The following PRH1 variants were observed in gnomAD, a reference collection of about 807,000 sequenced individuals.
PRH1 encodes the protein proline rich protein HaeIII subfamily 1, also known as salivary acidic proline-rich phosphoprotein 1/2.
In PRH1, 7 loss-of-function variants were observed where a neutral mutation model predicts 7.9. That is an observed-to-expected ratio of 0.89 (90% CI 0.50 to 1.67). The LOEUF (loss-of-function observed/expected upper bound fraction) is 1.67, where lower values mean the gene tolerates loss of function less well. Ranked by LOEUF, PRH1 falls within the 40% of genes most tolerant of loss-of-function variation. The pLI, the probability that PRH1 is intolerant of heterozygous loss-of-function variation, is 0.00. For synonymous variants in PRH1, 45 were observed against 80.8 expected, an observed-to-expected ratio of 0.56 and a Z score of 2.38; for missense variants, 109 against 223.6, an observed-to-expected ratio of 0.49 and a Z score of 3.27.
At chr12:11,037,311 A>T (rs1942472426) in intron 1 of PRH1, among the ~76,000 whole-genome samples, 1 of 152,228 alleles carries the variant, frequency 6.6e-6, no homozygotes, top group African/African-American at 2.4e-5. Flanking sequence ...TAGCAGTCAA[A>T]GTTGAATTAT....
intron 2 of PRH1, among the ~76,000 whole-genome samples, chr12:10,912,509 G>A (rs1311892703): frequency 6.6e-6 from 1 of 151,332 alleles, no homozygotes; most frequent in Non-Finnish European, 1.5e-5. Context: ...TGCCTATTTT[G>A]TTAGTCTATT....
intron 2 of PRH1, among the ~76,000 whole-genome samples, chr12:10,955,727 C>A (rs79877303): frequency 6.6e-6 from 1 of 151,962 alleles, no homozygotes; most frequent in South Asian, 2.1e-4. Flanking sequence ...TAAACCCAAT[C>A]AAAAATGACC....
rs932086393 is a variant in PRH1 at position 11,066,620 on chromosome 12, C to A, written n.124-19432G>T. Among the ~76,000 whole-genome samples the A allele has an allele frequency of 2.2e-4, 5 of 22,936 alleles. No homozygotes were observed. The Admixed American group carries it at 3.3e-3, about 15-fold the overall frequency. 15.0% of individuals were successfully genotyped at this position (22,936 alleles called of 152,430 possible). ...GTATTTAAATATTTCAAAAATATATCATTTAATGAGATAGATGTATATATA... is the reference window on the plus strand; with the variant it reads ...GTATTTAAATATTTCAAAAATATATAATTTAATGAGATAGATGTATATATA... On this transcript the variant is annotated intron_variant and non_coding_transcript_variant, in intron 1 of 4. Coordinates refer to the PRH1 transcript ENST00000541977.
intron 1 of PRH1, among the ~76,000 whole-genome samples, chr12:10,980,019 G>A (rs1179535566): frequency 6.6e-6 from 1 of 152,088 alleles, no homozygotes; most frequent in East Asian, 1.9e-4. Context: ...ATTAGAGAAA[G>A]GATTCTGGAG....
intron 1 of PRH1, among the ~76,000 whole-genome samples, chr12:11,069,111 T>C (rs71443615): frequency 0.48 from 56,649 of 118,244 alleles, 12,215 homozygotes; most frequent in Non-Finnish European, 0.56. Flanking sequence ...AGAGACTGGG[T>C]TTCACCATGT....
At chr12:11,133,723 A>G in intron 1 of PRH1, 1 of 1,614,172 alleles carries the variant, frequency 6.2e-7, no homozygotes, top group African/African-American at 1.3e-5. Flanking sequence ...TCATATTTGA[A>G]TGGTACATTG....
chr12:10,892,222 T>C (rs571560728), intron 2 of PRH1, among the ~76,000 whole-genome samples: 43 of 152,332 alleles, frequency 2.8e-4, no homozygotes, highest in African/African-American at 1.0e-3. Flanking sequence ...AGCTAGACCA[T>C]GCAGAAGTGC....
chr12:11,126,587 G>A (rs1946138305), intron 1 of PRH1, among the ~76,000 whole-genome samples: 1 of 152,108 alleles, frequency 6.6e-6, no homozygotes, highest in Admixed American at 6.5e-5. Flanking sequence ...GCATGTGTGT[G>A]TATATGTATT....
intron 1 of PRH1, among the ~76,000 whole-genome samples, chr12:10,980,991 T>A (rs553446080): frequency 2.9e-4 from 44 of 152,262 alleles, no homozygotes; most frequent in African/African-American, 9.6e-4. Context: ...CTTTGCTAAA[T>A]AATTATAAAC....
chr12:11,003,996 A>G (rs1940711634), intron 1 of PRH1, among the ~76,000 whole-genome samples: 1 of 152,104 alleles, frequency 6.6e-6, no homozygotes, highest in Admixed American at 6.6e-5. Context: ...AAACTCAGCG[A>G]TATATACTTG....
intron 1 of PRH1, among the ~76,000 whole-genome samples, chr12:11,072,464 T>C (rs1944117186): frequency 6.6e-6 from 1 of 152,212 alleles, no homozygotes; most frequent in South Asian, 2.1e-4. Context: ...AGGGACACTA[T>C]TAGAGCAGGA....
At chr12:10,901,498 G>C (rs554892813) in intron 2 of PRH1, among the ~76,000 whole-genome samples, 1 of 152,268 alleles carries the variant, frequency 6.6e-6, no homozygotes, top group African/African-American at 2.4e-5. Flanking sequence ...GACCTGCCTT[G>C]TCTGGCCCCA....
At chr12:11,091,388 C>T in intron 1 of PRH1, 1 of 1,333,676 alleles carries the variant, frequency 7.5e-7, no homozygotes, top group Non-Finnish European at 1.0e-6. Context: ...CTTGTTTCCC[C>T]AAATCAGGAT....
intron 2 of PRH1, among the ~76,000 whole-genome samples, chr12:10,926,816 T>G (rs115260295): frequency 1.3e-3 from 194 of 152,312 alleles, no homozygotes; most frequent in African/African-American, 4.2e-3. Flanking sequence ...AGAGAAAAAG[T>G]TGGGATGTGT....
intron 2 of PRH1, chr12:10,930,375 T>C: frequency 1.3e-6 from 2 of 1,557,024 alleles, no homozygotes; most frequent in Non-Finnish European, 1.8e-6. Flanking sequence ...TTCTCCAGTG[T>C]CTTCTTATCA....
At chr12:10,886,948 C>T (rs182897755), upstream of PRH1, among the ~76,000 whole-genome samples, 12 of 152,172 alleles carry the variant, frequency 7.9e-5, no homozygotes, top group African/African-American at 2.9e-4. Context: ...TGGTAATGTT[C>T]TTCCCCCAGC....
chr12:10,908,577 T>G, intron 2 of PRH1: 1 of 1,613,944 alleles, frequency 6.2e-7, no homozygotes, highest in Non-Finnish European at 8.5e-7. Context: ...GAAACTAGCA[T>G]AGAATAAAAG....
At chr12:11,159,064 CAG>C (rs1163941962) in intron 1 of PRH1, 3 of 154,630 alleles carry the variant, frequency 1.9e-5, no homozygotes, top group Non-Finnish European at 2.9e-5. Flanking sequence ...CCCTTGAGCC[CAG>C]AGAGTTGAGC....
chr12:11,155,841 C>T (rs1947231949), intron 1 of PRH1, among the ~76,000 whole-genome samples: 1 of 152,110 alleles, frequency 6.6e-6, no homozygotes, highest in Non-Finnish European at 1.5e-5. Flanking sequence ...ATGCACTTCT[C>T]TTGGATATAT....
Sources: gnomAD v4.1 joint callset for allele counts (sites outside exome capture counted in the v4.1 genomes callset) on GRCh38, gnomAD v4.1.1 for gene constraint, MANE v1.5 for transcripts, NCBI Gene and HGNC (gene_info 2026-07-23, HGNC 2026-07-21) for gene names.